HS3ST1: variants seen among roughly 807,000 people sequenced by gnomAD.
The protein encoded by HS3ST1 is heparan sulfate-glucosamine 3-sulfotransferase 1.
Under a neutral mutation model 20.7 loss-of-function variants are expected in HS3ST1, and 8 were observed. The observed-to-expected ratio is 0.39, with a 90% CI of 0.23 to 0.70. The LOEUF is 0.70. Ranked by LOEUF, HS3ST1 falls within the 30% of genes least tolerant of loss-of-function variation. HS3ST1 has a pLI of 0.46. For missense variants in HS3ST1, 436 were observed against 423.4 expected, an observed-to-expected ratio of 1.03 and a Z score of -0.26; for synonymous variants, 205 against 190.4, an observed-to-expected ratio of 1.08 and a Z score of -0.63.
chr4:11,414,735 G>T (rs1718728120), intron 1 of HS3ST1, among the ~76,000 whole-genome samples: 1 of 152,226 alleles, frequency 6.6e-6, no homozygotes, highest in Non-Finnish European at 1.5e-5. Flanking sequence ...ATTGTGTTGA[G>T]ATTTCTGGAT....
intron 1 of HS3ST1, among the ~76,000 whole-genome samples, chr4:11,427,246 G>T (rs888819662): frequency 6.6e-6 from 1 of 152,254 alleles, no homozygotes; most frequent in Non-Finnish European, 1.5e-5. Context: ...TGCTGCCTCA[G>T]CAGTGTCCAA....
intron 1 of HS3ST1, among the ~76,000 whole-genome samples, chr4:11,416,841 A>C (rs1340139250): frequency 2.6e-5 from 4 of 152,226 alleles, no homozygotes; most frequent in Non-Finnish European, 5.9e-5. Context: ...AAAGGCACAC[A>C]TGCAGTGATT....
At chr4:11,413,733 GC>G (rs1718695255) in intron 1 of HS3ST1, among the ~76,000 whole-genome samples, 3 of 152,094 alleles carry the variant, frequency 2.0e-5, no homozygotes, top group South Asian at 2.1e-4. Flanking sequence ...CTGTGAGAGG[GC>G]TAAGGACAGG....
rs915225449 is a variant in HS3ST1 at position 11,398,462 on chromosome 4, C to T, written c.*620G>A. 2.6e-5 allele frequency: 4 copies of T among 152,228 alleles called. No homozygotes were observed. The highest frequency in any genetic ancestry group is 6.5e-5 in the Admixed American group (1 of 15,276). The allele number at this position is 152,228 out of a possible 1,614,324, so 9.4% of individuals were successfully genotyped here. Reference sequence around the variant, plus strand: ...AAGATGGATCCCAAGAGACCTCTAGCCAGTCACTAACTGCTTCTCCATCCT... The same window carrying T: ...AAGATGGATCCCAAGAGACCTCTAGTCAGTCACTAACTGCTTCTCCATCCT... On this transcript the variant is annotated 3_prime_UTR_variant, in exon 2 of 2. Coordinates refer to ENST00000002596, the MANE Select transcript of HS3ST1 (RefSeq NM_005114.4).
At chr4:11,423,058 C>T (rs919817705) in intron 1 of HS3ST1, among the ~76,000 whole-genome samples, 1 of 125,720 alleles carries the variant, frequency 8.0e-6, no homozygotes, top group Non-Finnish European at 1.6e-5. Context: ...AAGTGCTGAA[C>T]GTCAGAGTTC....
chr4:11,430,411 T>G (rs560693085), upstream of HS3ST1, among the ~76,000 whole-genome samples: 6 of 152,322 alleles, frequency 3.9e-5, no homozygotes, highest in African/African-American at 1.4e-4. Flanking sequence ...TATAGGAAGC[T>G]GTGTAAAATC....
intron 1 of HS3ST1, among the ~76,000 whole-genome samples, chr4:11,421,521 C>T (rs1193124689): frequency 6.6e-6 from 1 of 152,166 alleles, no homozygotes; most frequent in Non-Finnish European, 1.5e-5. Flanking sequence ...CAGCTGCAGC[C>T]GAAATCACCT....
intron 1 of HS3ST1, among the ~76,000 whole-genome samples, chr4:11,405,483 G>A (rs1259680419): frequency 6.6e-6 from 1 of 152,098 alleles, no homozygotes; most frequent in African/African-American, 2.4e-5. Flanking sequence ...GCAAATGGAG[G>A]TCTTGCCTTG....
intron 1 of HS3ST1, 50 bp from the exon 2 acceptor site, chr4:11,400,163 T>C: frequency 2.2e-6 from 3 of 1,384,700 alleles, no homozygotes; most frequent in Non-Finnish European, 2.8e-6. Context: ...ACAGGGATAA[T>C]TCAACTAACA....
At chr4:11,421,147 G>A (rs1478193080) in intron 1 of HS3ST1, among the ~76,000 whole-genome samples, 4 of 152,098 alleles carry the variant, frequency 2.6e-5, no homozygotes, top group Non-Finnish European at 5.9e-5. Context: ...ATTGTGCTAG[G>A]CACTATATAT....
chr4:11,428,449 G>T (rs62295621), intron 1 of HS3ST1: 22,623 of 152,300 alleles, frequency 0.15, 1,772 homozygotes, highest in Middle Eastern at 0.23. Context: ...AGAAATCTGG[G>T]TCCCTGTCCT....
chr4:11,414,498 A>G (rs766774229), intron 1 of HS3ST1, among the ~76,000 whole-genome samples: 3 of 152,192 alleles, frequency 2.0e-5, no homozygotes, highest in Non-Finnish European at 4.4e-5. Context: ...AGAGGCGTCT[A>G]AAGAATAAAA....
rs1291068214 is a variant in HS3ST1, at chr4:11,396,360, G to C, written c.*2722C>G. The C allele has an allele frequency of 6.6e-6, 1 of 152,290 alleles. No homozygotes were observed. Among genetic ancestry groups the C allele is most frequent in the African/African-American group, 2.4e-5 (1 of 41,438 alleles). 9.4% of individuals were successfully genotyped at this position (152,290 alleles called of 1,614,324 possible). A position where few individuals can be genotyped will look rare whatever the true frequency, so the allele number is the denominator to read the frequency against. On this transcript the variant is annotated 3_prime_UTR_variant, in exon 2 of 2. Coordinates refer to ENST00000002596, the MANE Select transcript of HS3ST1 (RefSeq NM_005114.4). ...GAATATTCCAAATCTAATAGCTGAG[G>C]CTTGGTTCAGTTGTTCTCACTTGCC...
chr4:11,423,049 A>AAAAAAG (rs1560237599), intron 1 of HS3ST1, among the ~76,000 whole-genome samples: 9 of 149,584 alleles, frequency 6.0e-5, no homozygotes, highest in African/African-American at 1.5e-4. Context: ...AAAAAAAAAA[A>AAAAAAG]GTGCTGAACG....
chr4:11,428,073 GA>G (rs559355714), intron 1 of HS3ST1, among the ~76,000 whole-genome samples: 21 of 152,154 alleles, frequency 1.4e-4, no homozygotes, highest in South Asian at 2.1e-4. Context: ...CACGAAGGGG[GA>G]AAAAAATCAG....
In HS3ST1 at chr4:11,399,274, C is replaced by G; in HGVS notation, c.732G>C (p.Ser244=). The part of the protein sequence containing the change: ...FLKLSPQINA[S]NFYFNKTKGF... Reference sequence around the variant, plus strand: ...CCTTGGTTTTGTTAAAGTAGAAGTTCGAAGCATTGATCTGCGGCGACAGCT... The same window carrying G: ...CCTTGGTTTTGTTAAAGTAGAAGTTGGAAGCATTGATCTGCGGCGACAGCT... Residue 244 remains serine (S), a synonymous_variant, in exon 2 of 2, where the codon TCG becomes TCC. Transcript: ENST00000002596. This position sits in a 1 kb window ranked among gnomAD's most constrained non-coding sequence, Gnocchi z 5.1. 3 of 1,614,104 alleles carry G rather than the reference C, an allele frequency of 1.9e-6. 1 individual carries two copies. Among genetic ancestry groups the G allele is most frequent in the Middle Eastern group, 3.3e-4 (2 of 6,062 alleles).
chr4:11,407,032 A>G (rs1222917382), intron 1 of HS3ST1, among the ~76,000 whole-genome samples: 1 of 152,216 alleles, frequency 6.6e-6, no homozygotes, highest in Non-Finnish European at 1.5e-5. Context: ...GAAATTGGAA[A>G]TACGTTTAGT....
chr4:11,418,624 T>C (rs556600005), intron 1 of HS3ST1, among the ~76,000 whole-genome samples: 2 of 152,210 alleles, frequency 1.3e-5, no homozygotes, highest in South Asian at 4.2e-4. Context: ...CTGGTAACAA[T>C]GTACTCATCA....
rs778355639 is a variant in HS3ST1, at chr4:11,399,880, G to C, written c.126C>G (p.Arg42=). 1 of 1,611,772 alleles carries C rather than the reference G, an allele frequency of 6.2e-7. No individual in the cohort carries two copies. The highest frequency in any genetic ancestry group is 8.5e-7 in the Non-Finnish European group (1 of 1,179,724). Residue 42 remains arginine (R), a synonymous_variant, in exon 2 of 2, where the codon CGC becomes CGG. Transcript: ENST00000002596. This position sits in a 1 kb window ranked among gnomAD's most constrained non-coding sequence, Gnocchi z 5.1. ...CAGAGCCGTTTGGGGCCACGCCATC[G>C]CGGACGTCATCCTGGAGGGTCCCCG... ...RKAGTLQDDV[R]DGVAPNGSAQ...
Sources: allele counts gnomAD v4.1 joint callset (sites outside exome capture counted in the v4.1 genomes callset), GRCh38; gene constraint gnomAD v4.1.1; non-coding constraint Gnocchi (gnomAD v3.1); transcripts MANE v1.5; gene names NCBI Gene and HGNC (gene_info 2026-07-23, HGNC 2026-07-21).